The following FGF14 variants were observed in gnomAD, a reference collection of about 807,000 sequenced individuals.
FGF14 encodes the protein fibroblast growth factor homologous factor 4.
Under a neutral mutation model 25.5 loss-of-function variants are expected in FGF14, and 5 were observed. The ratio of observed to expected loss-of-function variants is 0.20; its 90% CI spans 0.10 to 0.41. The LOEUF (loss-of-function observed/expected upper bound fraction) is 0.41, where lower values mean the gene tolerates loss of function less well. FGF14 is among the 10% of genes least tolerant of loss of function. The pLI, the probability that FGF14 is intolerant of heterozygous loss-of-function variation, is 1.00. For missense variants in FGF14, 222 were observed against 320.1 expected (o/e 0.69, Z 2.34); for synonymous variants, 138 against 118.3 (o/e 1.17, Z -1.08).
At chr13:102,211,116 ATAT>A (rs1485713132) in intron 1 of FGF14, among the ~76,000 whole-genome samples, 1 of 152,144 alleles carries the variant, frequency 6.6e-6, no homozygotes, top group African/African-American at 2.4e-5. Context: ...AAAAAAGAAA[ATAT>A]TATAGTTATA....
intron 1 of FGF14, among the ~76,000 whole-genome samples, chr13:101,954,395 T>TGTA (rs2036378636): frequency 6.6e-6 from 1 of 151,898 alleles, no homozygotes; most frequent in Non-Finnish European, 1.5e-5. Flanking sequence ...TTTTATTTCA[T>TGTA]TGTAGCACTA....
intron 1 of FGF14, among the ~76,000 whole-genome samples, chr13:102,348,402 G>C (rs2057176291): frequency 6.6e-6 from 1 of 152,134 alleles, no homozygotes; most frequent in African/African-American, 2.4e-5. Context: ...CAACCAGTGA[G>C]AGATGAAAAA....
At chr13:102,009,208 G>A (rs780885621) in intron 1 of FGF14, among the ~76,000 whole-genome samples, 6 of 152,100 alleles carry the variant, frequency 3.9e-5, no homozygotes, top group Non-Finnish European at 7.4e-5. Flanking sequence ...GATCATGCTT[G>A]AAATCATATT....
chr13:101,873,198 C>G (rs1250610215), intron 2 of FGF14, among the ~76,000 whole-genome samples: 2 of 152,034 alleles, frequency 1.3e-5, no homozygotes, highest in African/African-American at 2.4e-5. Context: ...AAGCAGTATG[C>G]TTTTAAAAGG....
chr13:102,008,731 G>C (rs552321485), intron 1 of FGF14, among the ~76,000 whole-genome samples: 1 of 152,188 alleles, frequency 6.6e-6, no homozygotes, highest in South Asian at 2.1e-4. Context: ...GTGAGCAGCT[G>C]TTCTCTTGAA....
intron 3 of FGF14, among the ~76,000 whole-genome samples, chr13:101,810,729 AC>A (rs772538023): frequency 1.2e-4 from 19 of 152,188 alleles, no homozygotes; most frequent in Non-Finnish European, 2.4e-4. Flanking sequence ...AGGCTGATTC[AC>A]AATCCATTTC....
At chr13:101,890,899 G>A (rs1431158631) in intron 1 of FGF14, among the ~76,000 whole-genome samples, 1 of 152,022 alleles carries the variant, frequency 6.6e-6, no homozygotes, top group African/African-American at 2.4e-5. Context: ...CCCTGAGTTG[G>A]ATAAGGTGCC....
rs187109455 is a variant in FGF14, at chr13:102,052,048, A to C, written c.209-176752T>G. 2.9e-3 allele frequency among the ~76,000 whole-genome samples: 446 copies of C among 152,346 alleles called. 2 individuals are homozygous for C. The highest frequency in any genetic ancestry group is 0.017 in the Middle Eastern group (5 of 294). On this transcript the variant is annotated intron_variant, in intron 1 of 4. Coordinates refer to the FGF14 transcript ENST00000376131. ...ATGAATTACCAACACAAAAAGTTTAACAGATTAAAATTATTTTAAAAATTA... is the reference window on the plus strand; with the variant it reads ...ATGAATTACCAACACAAAAAGTTTACCAGATTAAAATTATTTTAAAAATTA...
intron 1 of FGF14, among the ~76,000 whole-genome samples, chr13:102,298,623 G>A (rs528714200): frequency 7.2e-5 from 11 of 151,988 alleles, no homozygotes; most frequent in African/African-American, 1.2e-4. Context: ...TAATAAATGC[G>A]TTGTGCACTT....
chr13:101,759,907 C>T (rs559946439), intron 3 of FGF14, among the ~76,000 whole-genome samples: 16 of 152,216 alleles, frequency 1.1e-4, no homozygotes, highest in African/African-American at 3.1e-4. Context: ...GGCTGTTTCC[C>T]TCTCTTCTTA....
intron 3 of FGF14, among the ~76,000 whole-genome samples, chr13:101,850,219 A>C (rs1225690943): frequency 7.6e-6 from 1 of 132,016 alleles, no homozygotes; most frequent in South Asian, 2.6e-4. Context: ...GGATCACTTG[A>C]GGTCAGGAGT....
chr13:102,153,964 T>C (rs1005320884), intron 1 of FGF14, among the ~76,000 whole-genome samples: 4 of 152,226 alleles, frequency 2.6e-5, no homozygotes, highest in African/African-American at 9.6e-5. Flanking sequence ...CTCTCTATTG[T>C]AGCTTCAAGG....
intron 3 of FGF14, among the ~76,000 whole-genome samples, chr13:101,835,412 T>G (rs2042876273): frequency 6.6e-6 from 1 of 152,112 alleles, no homozygotes; most frequent in South Asian, 2.1e-4. Context: ...TATTGTTGTT[T>G]TAGTTTTCAT....
chr13:102,328,105 G>A (rs2056520094), intron 1 of FGF14, among the ~76,000 whole-genome samples: 3 of 152,026 alleles, frequency 2.0e-5, no homozygotes, highest in African/African-American at 7.2e-5. Flanking sequence ...AGCACGAATG[G>A]TCTTCTCCAT....
chr13:101,937,490 GGCAA>G (rs2035180544), intron 1 of FGF14, among the ~76,000 whole-genome samples: 1 of 152,184 alleles, frequency 6.6e-6, no homozygotes, highest in Non-Finnish European at 1.5e-5. Flanking sequence ...GGTGGCCGTG[GGCAA>G]GCCCAGGAGA....
chr13:102,343,121 C>T (rs1594900553), intron 1 of FGF14, among the ~76,000 whole-genome samples: 1 of 152,096 alleles, frequency 6.6e-6, no homozygotes, highest in Admixed American at 6.6e-5. Flanking sequence ...ATCAACTCAA[C>T]TAATTGTCAT....
rs1283630626 is a variant in FGF14, at chr13:102,146,317, T to G, written c.208+255154A>C. ...TGATTTTGGTGGCTGACAAATTATTTTGTGGGATGAGCAACAAAGTCACAT... is the reference window on the plus strand; with the variant it reads ...TGATTTTGGTGGCTGACAAATTATTGTGTGGGATGAGCAACAAAGTCACAT... On this transcript the variant is annotated intron_variant, in intron 1 of 4. Transcript: ENST00000376131. Among the ~76,000 whole-genome samples, 4 of 151,754 alleles carry G rather than the reference T, an allele frequency of 2.6e-5. No individual in the cohort carries two copies. In the East Asian group the frequency reaches 7.7e-4, roughly 29 times the overall value.
intron 3 of FGF14, among the ~76,000 whole-genome samples, chr13:101,815,729 C>T (rs2984831): frequency 0.37 from 55,770 of 151,520 alleles, 10,489 homozygotes; most frequent in South Asian, 0.47. Context: ...GAGATAATAC[C>T]CCCCCACCCC....
At chr13:102,165,918 TAAA>T (rs564718246) in intron 1 of FGF14, among the ~76,000 whole-genome samples, 293 of 148,556 alleles carry the variant, frequency 2.0e-3, no homozygotes, top group Non-Finnish European at 3.4e-3. Flanking sequence ...TCTTTTCCTT[TAAA>T]AAAAAAATGT....
Sources: gnomAD v4.1 joint callset for allele counts (sites outside exome capture counted in the v4.1 genomes callset) on GRCh38, gnomAD v4.1.1 for gene constraint, MANE v1.5 for transcripts, NCBI Gene and HGNC (gene_info 2026-07-23, HGNC 2026-07-21) for gene names.